NUP210L: variants seen among roughly 807,000 people sequenced by gnomAD.
NUP210L encodes the protein nuclear pore membrane glycoprotein 210-like.
NUP210L carries 74 observed loss-of-function variants against 208.5 expected under a neutral mutation model. The ratio of observed to expected loss-of-function variants is 0.35; its 90% confidence interval spans 0.29 to 0.43. The LOEUF (loss-of-function observed/expected upper bound fraction) is 0.43. Among genes scored for constraint, NUP210L ranks in the 20% least tolerant of loss-of-function variants. NUP210L has a pLI of 1.00. For synonymous variants in NUP210L, 780 were observed against 816.9 expected (o/e 0.95, Z 0.77); for missense variants, 1,843 against 2,289.4 (o/e 0.81, Z 3.98).
chr1:154,063,891 G>A (rs965161143), intron 17 of NUP210L, among the ~76,000 whole-genome samples: 34 of 151,244 alleles, frequency 2.2e-4, no homozygotes, highest in Non-Finnish European at 4.3e-4. Flanking sequence ...TTAGATTTCC[G>A]GGATGAGCAT....
chr1:154,054,861 G>A, intron 23 of NUP210L, 29 bp from the exon 24 acceptor site: 1 of 1,495,064 alleles, frequency 6.7e-7, no homozygotes, highest in Non-Finnish European at 9.3e-7. Flanking sequence ...AAGGACAACA[G>A]TAACTAACTA....
rs1185085313 is a variant in NUP210L at position 154,087,320 on chromosome 1, C to CAAAA, written c.2361+2097_2361+2100dup. On this transcript the variant is annotated intron_variant, in intron 16 of 39. Coordinates refer to ENST00000368559, the Ensembl canonical transcript of NUP210L. The stretch of plus-strand genomic sequence containing the variant: ...GGGCGAAAAGAATGAAGCTCCATCT[C>CAAAA]AAAAAAAAAAAAAAAAAAAGGGGCA... 8.7e-4 allele frequency among the ~76,000 whole-genome samples: 52 copies of CAAAA among 59,732 alleles called. 1 individual carries two copies. The highest frequency in any genetic ancestry group is 2.4e-3 in the Admixed American group (14 of 5,820). The allele number at this position is 59,732 out of a possible 152,430, so 39.2% of individuals were successfully genotyped here. A position where few individuals can be genotyped will look rare whatever the true frequency, so the allele number is the denominator to read the frequency against.
chr1:154,130,632 A>T (rs570229263), intron 7 of NUP210L, among the ~76,000 whole-genome samples: 37 of 133,120 alleles, frequency 2.8e-4, no homozygotes, highest in African/African-American at 9.5e-4. Flanking sequence ...ACCCAGGCTG[A>T]GTGCAGTGGT....
In NUP210L at chr1:154,153,417, C is replaced by A. The variant is rs370071534; in HGVS notation, c.204-545G>T. ...ATTCGCCTCCAGGGTTCAAGCGATT[C>A]TCCTGCCTCAGCCTCTCGAGTAGCT... On this transcript the variant is annotated intron_variant, in intron 1 of 39. Coordinates refer to ENST00000368559, the Ensembl canonical transcript of NUP210L. 1.6e-4 allele frequency among the ~76,000 whole-genome samples: 24 copies of A among 152,322 alleles called. No homozygotes were observed. In the East Asian group the frequency reaches 4.1e-3, roughly 26 times the overall value.
At chr1:154,071,782 C>T (rs190660859) in intron 16 of NUP210L, among the ~76,000 whole-genome samples, 47 of 151,848 alleles carry the variant, frequency 3.1e-4, no homozygotes, top group Admixed American at 5.3e-4. Flanking sequence ...ATTACAGGTA[C>T]GTGCCACTAT....
chr1:154,080,987 A>T (rs1655292111), intron 16 of NUP210L, among the ~76,000 whole-genome samples: 1 of 150,864 alleles, frequency 6.6e-6, no homozygotes, highest in African/African-American at 2.4e-5. Flanking sequence ...AAAAAAAAAA[A>T]AGAAAAGAAA....
chr1:154,114,778 T>TTG lies in NUP210L; in HGVS notation c.1620+2946_1620+2947insCA, dbSNP rs1553238045. 3.6e-5 allele frequency among the ~76,000 whole-genome samples: 5 copies of TTG among 140,610 alleles called. No homozygotes were observed. In the Admixed American group the frequency reaches 3.7e-4, roughly 10 times the overall value. 92.2% of individuals were successfully genotyped at this position (140,610 alleles called of 152,430 possible). A position where few individuals can be genotyped will look rare whatever the true frequency, so the allele number is the denominator to read the frequency against. ...CCTGGTTAATTTTTTTTTTAAGAGATGGGGGGGGGGGTCTTGCTTTGTTGT... is the reference window on the plus strand; with the variant it reads ...CCTGGTTAATTTTTTTTTTAAGAGATTGGGGGGGGGGGGTCTTGCTTTGTTGT... On this transcript the variant is annotated intron_variant, in intron 12 of 39. Transcript: ENST00000368559.
chr1:154,037,807 AG>A (rs1220594382), intron 27 of NUP210L, among the ~76,000 whole-genome samples: 2 of 152,074 alleles, frequency 1.3e-5, no homozygotes, highest in African/African-American at 4.8e-5. Flanking sequence ...TAGTGAAGAC[AG>A]GGTTTCACCA....
chr1:154,072,536 G>C (rs999157957), intron 16 of NUP210L, among the ~76,000 whole-genome samples: 2 of 151,848 alleles, frequency 1.3e-5, no homozygotes, highest in Non-Finnish European at 2.9e-5. Flanking sequence ...GTTTCACCGT[G>C]TTAGCCAGGA....
chr1:154,018,981 A>G, exon 33 of NUP210L: 1 of 1,614,168 alleles, frequency 6.2e-7, no homozygotes, highest in Non-Finnish European at 8.5e-7. Context: ...AAATCATTGC[A>G]GTCCCCGGAC....
chr1:154,009,330 TA>T (rs1650762890), intron 35 of NUP210L, among the ~76,000 whole-genome samples: 1 of 152,184 alleles, frequency 6.6e-6, no homozygotes, highest in South Asian at 2.1e-4. Context: ...TTATTTGGAA[TA>T]TCTTTCAATT....
chr1:154,071,298 A>T (rs1420117759), intron 16 of NUP210L, among the ~76,000 whole-genome samples: 4 of 151,444 alleles, frequency 2.6e-5, no homozygotes, highest in Non-Finnish European at 5.9e-5. Context: ...TAATTTTTAA[A>T]TTTTTTTATG....
At chr1:154,116,617 C>CTT (rs1392019467) in intron 12 of NUP210L, among the ~76,000 whole-genome samples, 4 of 151,774 alleles carry the variant, frequency 2.6e-5, no homozygotes, top group Non-Finnish European at 5.9e-5. Flanking sequence ...GTCCTGGCTA[C>CTT]TTGGGAGGCC....
intron 33 of NUP210L, among the ~76,000 whole-genome samples, chr1:154,013,032 G>A (rs1368123046): frequency 9.8e-5 from 14 of 142,324 alleles, no homozygotes; most frequent in Non-Finnish European, 1.7e-4. Flanking sequence ...AAACAAAGAC[G>A]GGGTCTTGGC....
chr1:154,067,534 C>T (rs1571232595), intron 17 of NUP210L, among the ~76,000 whole-genome samples: 1 of 152,112 alleles, frequency 6.6e-6, no homozygotes, highest in Admixed American at 6.5e-5. Flanking sequence ...AAAACTGGCA[C>T]AAGACAGGGA....
At position 154,022,061 on chromosome 1, in the gene NUP210L, T is replaced by A. The variant is rs12561883; in HGVS notation, c.4516+65A>T. On this transcript the variant is annotated intron_variant, in intron 32 of 39. Coordinates refer to ENST00000368559, the Ensembl canonical transcript of NUP210L. ...AGGGATTAATAACTGCTTTTTTTTT[T>A]AATAACTGCTTTTTAATCCCCACAA... 1.2e-5 allele frequency: 17 copies of A among 1,375,928 alleles called. No homozygotes were observed. The East Asian group carries it at 1.8e-4, about 15-fold the overall frequency. The allele number at this position is 1,375,928 out of a possible 1,614,324, so 85.2% of individuals were successfully genotyped here.
At chr1:154,011,575 C>G (rs1439230611) in intron 34 of NUP210L, among the ~76,000 whole-genome samples, 1 of 148,014 alleles carries the variant, frequency 6.8e-6, no homozygotes, top group Non-Finnish European at 1.5e-5. Flanking sequence ...GTTGCCCAGG[C>G]TGGTCTCAAA....
rs1658966816 is a variant in NUP210L, at chr1:154,143,596, C to T, written c.341-19G>A. On this transcript the variant is annotated intron_variant, in intron 2 of 39. Coordinates refer to ENST00000368559, the Ensembl canonical transcript of NUP210L. ...TCAGTCACTACAATGAACCCAAAAA[C>T]TGAGTATTTAATTCAATAGGTCATG... 1.9e-6 allele frequency: 3 copies of T among 1,603,664 alleles called. No homozygotes were observed. The highest frequency in any genetic ancestry group is 2.6e-6 in the Non-Finnish European group (3 of 1,174,210).
chr1:154,146,295 C>G (rs1659107339), intron 2 of NUP210L, among the ~76,000 whole-genome samples: 1 of 152,076 alleles, frequency 6.6e-6, no homozygotes, highest in Admixed American at 6.6e-5. Context: ...CTCATGAACC[C>G]ATACTGACAT....
Sources: allele counts gnomAD v4.1 joint callset (sites outside exome capture counted in the v4.1 genomes callset), GRCh38; gene constraint gnomAD v4.1.1; transcripts MANE v1.5; gene names NCBI Gene and HGNC (gene_info 2026-07-23, HGNC 2026-07-21).